Variants in PCNP observed in about 807,000 individuals in gnomAD.
The protein encoded by PCNP is PEST proteolytic signal containing nuclear protein.
A neutral mutation model predicts 21.8 loss-of-function variants in PCNP; 6 were observed. The ratio of observed to expected loss-of-function variants is 0.28; its 90% CI spans 0.15 to 0.54. PCNP has a LOEUF of 0.54. Ranked by LOEUF, PCNP falls within the 20% of genes least tolerant of loss-of-function variation. PCNP has a pLI of 0.95. For synonymous variants in PCNP, 67 were observed against 73.2 expected, an observed-to-expected ratio of 0.92 and a Z score of 0.43; for missense variants, 161 against 215.5, an observed-to-expected ratio of 0.75 and a Z score of 1.58.
intron 1 of PCNP, 125 bp from the exon 2 acceptor site, chr3:101,579,665 T>C (rs1328987612): frequency 1.3e-6 from 1 of 748,252 alleles, no homozygotes; most frequent in Non-Finnish European, 2.5e-6. Flanking sequence ...TGGAAGAGAC[T>C]GTTGGGTCAG....
At chr3:101,576,674 C>T in intron 1 of PCNP, 1 of 1,612,064 alleles carries the variant, frequency 6.2e-7, no homozygotes, top group Non-Finnish European at 8.5e-7. Context: ...TATTTTCCAT[C>T]CTTTACATCC....
chr3:101,576,244 C>CTT lies in PCNP; in HGVS notation c.64+1978_64+1979dup, dbSNP rs35289041. Reference sequence around the variant, plus strand: ...GTTTTTTTTTTTTATGAATGGTTTCCTTTTTTTTTTTTTTGAGATGGAGCT... The same window carrying CTT: ...GTTTTTTTTTTTTATGAATGGTTTCCTTTTTTTTTTTTTTTTGAGATGGAGCT... On this transcript the variant is annotated intron_variant, in intron 1 of 4. Transcript: ENST00000265260. Among the ~76,000 whole-genome samples the CTT allele has an allele frequency of 5.4e-3, 735 of 136,250 alleles. 20 individuals carry two copies. Among genetic ancestry groups the CTT allele is most frequent in the South Asian group, 0.042 (178 of 4,276 alleles). The allele number at this position is 136,250 out of a possible 152,430, so 89.4% of individuals were successfully genotyped here. A position where few individuals can be genotyped will look rare whatever the true frequency, so the allele number is the denominator to read the frequency against.
At chr3:101,576,596 G>C (rs548009478) in intron 1 of PCNP, 1 of 1,611,090 alleles carries the variant, frequency 6.2e-7, no homozygotes, top group African/African-American at 1.3e-5. Context: ...CTATGGGCCC[G>C]AATCTTCTTC....
At chr3:101,592,590 A>G (rs941777916) in intron 4 of PCNP, 37 bp from the exon 5 acceptor site, 18 of 1,539,660 alleles carry the variant, frequency 1.2e-5, no homozygotes, top group Admixed American at 6.0e-5. Flanking sequence ...AAGGCTTTAT[A>G]TAACATTTTA....
intron 4 of PCNP, 46 bp from the exon 5 acceptor site, chr3:101,592,581 A>G (rs1263317787): frequency 6.7e-7 from 1 of 1,488,488 alleles, no homozygotes; most frequent in African/African-American, 1.4e-5. Context: ...ATAACCTGAA[A>G]GGCTTTATAT....
chr3:101,580,672 A>G (rs1320879978), intron 2 of PCNP, among the ~76,000 whole-genome samples: 3 of 152,190 alleles, frequency 2.0e-5, no homozygotes, highest in African/African-American at 7.2e-5. Flanking sequence ...TTACAGGTCA[A>G]TATTTGATCC....
intron 1 of PCNP, chr3:101,576,631 T>C (rs1477268391): frequency 4.3e-6 from 7 of 1,611,526 alleles, no homozygotes; most frequent in Non-Finnish European, 5.9e-6. Flanking sequence ...TTCACGGAGC[T>C]TGTTGTCCAG....
At chr3:101,590,320 C>G in intron 4 of PCNP, 50 bp downstream of exon 4, 1 of 951,378 alleles carries the variant, frequency 1.1e-6, no homozygotes, top group Non-Finnish European at 1.7e-6. Context: ...GGTGAATTAA[C>G]AAAAATAACT....
intron 1 of PCNP, among the ~76,000 whole-genome samples, chr3:101,575,474 CTG>C (rs1934823617): frequency 6.8e-6 from 1 of 147,942 alleles, no homozygotes; most frequent in East Asian, 1.9e-4. Flanking sequence ...TCCCCACCCC[CTG>C]TCTTTTTTTT....
chr3:101,585,132 T>G (rs1935429471), intron 2 of PCNP, among the ~76,000 whole-genome samples: 1 of 152,246 alleles, frequency 6.6e-6, no homozygotes, highest in East Asian at 1.9e-4. Flanking sequence ...GGGAAGGTAT[T>G]ACTAATCATT....
At chr3:101,580,316 A>T (rs1025876925) in intron 2 of PCNP, among the ~76,000 whole-genome samples, 4 of 152,190 alleles carry the variant, frequency 2.6e-5, no homozygotes, top group African/African-American at 9.7e-5. Context: ...CTGTAATCTG[A>T]AGACTTGGGG....
intron 1 of PCNP, chr3:101,577,001 A>G (rs534303103): frequency 2.4e-6 from 2 of 845,814 alleles, no homozygotes; most frequent in African/African-American, 1.7e-5. Flanking sequence ...CAATTTTTGT[A>G]TTTTTAGTAG....
intron 1 of PCNP, among the ~76,000 whole-genome samples, chr3:101,575,107 G>T (rs2108268258): frequency 6.6e-6 from 1 of 152,282 alleles, no homozygotes; most frequent in African/African-American, 2.4e-5. Flanking sequence ...TTCGGGTCTT[G>T]TGCGTGAAGG....
intron 2 of PCNP, among the ~76,000 whole-genome samples, chr3:101,580,731 C>G (rs1300337797): frequency 6.6e-6 from 1 of 152,090 alleles, no homozygotes. Flanking sequence ...ACCATGGAAC[C>G]TCTGGAAGTG....
At chr3:101,590,467 A>G (rs574546864) in intron 4 of PCNP, among the ~76,000 whole-genome samples, 197 bp downstream of exon 4, 2 of 152,376 alleles carry the variant, frequency 1.3e-5, no homozygotes, top group East Asian at 1.9e-4. Flanking sequence ...ATGAAGAAAG[A>G]TAACTAATTA....
At chr3:101,585,805 T>C (rs997487321) in intron 3 of PCNP, among the ~76,000 whole-genome samples, 36 of 152,194 alleles carry the variant, frequency 2.4e-4, no homozygotes, top group African/African-American at 8.0e-4. Flanking sequence ...AAAAATCTAA[T>C]ACTGTTGCCT....
At chr3:101,580,271 A>T (rs1935155346) in intron 2 of PCNP, among the ~76,000 whole-genome samples, 1 of 152,086 alleles carries the variant, frequency 6.6e-6, no homozygotes, top group African/African-American at 2.4e-5. Flanking sequence ...TAAACTTAGA[A>T]TTTTTCTGCG....
chr3:101,593,911 G>A lies in PCNP; in HGVS notation c.*1158G>A, dbSNP rs1290431100. On this transcript the variant is annotated 3_prime_UTR_variant, in exon 5 of 5. Transcript: ENST00000265260. ...ATATACTTTGTTAGATTTGTGTATT[G>A]TAGGGTGTTTGTTTTGTATTTTTGT... is the stretch of plus-strand genomic sequence containing the variant. The A allele has an allele frequency of 6.6e-6, 1 of 152,566 alleles. No individual in the cohort carries two copies. Among genetic ancestry groups the A allele is most frequent in the Non-Finnish European group, 1.5e-5 (1 of 68,018 alleles). 9.5% of individuals were successfully genotyped at this position (152,566 alleles called of 1,614,324 possible). A position where few individuals can be genotyped will look rare whatever the true frequency, so the allele number is the denominator to read the frequency against.
Position 101,594,301 on chromosome 3 carries a change from GTT to G in PCNP, c.*1550_*1551del, listed in dbSNP as rs776087355. 4 of 152,462 alleles carry G rather than the reference GTT, an allele frequency of 2.6e-5. No individual in the cohort carries two copies. The highest frequency in any genetic ancestry group is 5.9e-5 in the Non-Finnish European group (4 of 68,014). 9.4% of individuals were successfully genotyped at this position (152,462 alleles called of 1,614,324 possible). On this transcript the variant is annotated 3_prime_UTR_variant, in exon 5 of 5. Transcript: ENST00000265260. ...CTATCAATTTTTTGTCCATTTTCCT[GTT>G]TGTTAAAATAACATACCTCTCCTAC...
Sources: gnomAD v4.1 joint callset for allele counts (sites outside exome capture counted in the v4.1 genomes callset) on GRCh38, gnomAD v4.1.1 for gene constraint, MANE v1.5 for transcripts, NCBI Gene and HGNC (gene_info 2026-07-23, HGNC 2026-07-21) for gene names.